TJP1: variants seen among roughly 807,000 people sequenced by gnomAD.
TJP1 encodes the protein tight junction protein 1, also known as tight junction protein ZO-1.
A neutral mutation model predicts 194.2 loss-of-function variants in TJP1; 43 were observed. The ratio of observed to expected loss-of-function variants is 0.22; its 90% CI spans 0.17 to 0.29. TJP1 has a LOEUF of 0.29. Ranked by LOEUF, TJP1 falls within the 10% of genes least tolerant of loss-of-function variation. The pLI is 1.00. For missense variants in TJP1, 1,971 were observed against 2,185.7 expected (o/e 0.90, Z 1.96); for synonymous variants, 801 against 779.0 (o/e 1.03, Z -0.47).
intron 2 of TJP1, among the ~76,000 whole-genome samples, chr15:29,913,706 T>C (rs990251137): frequency 2.0e-5 from 3 of 151,962 alleles, no homozygotes; most frequent in Admixed American, 2.0e-4. Flanking sequence ...GACAACAAAG[T>C]TTCTAGCTTG....
chr15:29,724,946 C>A (rs929933167), intron 18 of TJP1, among the ~76,000 whole-genome samples: 1 of 152,192 alleles, frequency 6.6e-6, no homozygotes, highest in Non-Finnish European at 1.5e-5. Context: ...AAAAGCCTCT[C>A]AGATACTACA....
At chr15:29,722,193 TG>T (rs1226045265) in intron 18 of TJP1, among the ~76,000 whole-genome samples, 2 of 152,216 alleles carry the variant, frequency 1.3e-5, no homozygotes, top group African/African-American at 2.4e-5. Context: ...GACAAAACAA[TG>T]GGGGAAAATG....
intron 5 of TJP1, among the ~76,000 whole-genome samples, chr15:29,762,687 T>C (rs1385474355): frequency 6.6e-6 from 1 of 152,208 alleles, no homozygotes; most frequent in African/African-American, 2.4e-5. Context: ...CCCATATTAC[T>C]GAAAAGGAGA....
intron 2 of TJP1, among the ~76,000 whole-genome samples, chr15:29,879,207 G>A (rs2052832451): frequency 6.6e-6 from 1 of 152,198 alleles, no homozygotes; most frequent in Admixed American, 6.5e-5. Flanking sequence ...ACATTCATGT[G>A]CAAGTGGCTA....
intron 1 of TJP1, among the ~76,000 whole-genome samples, chr15:29,958,183 T>C (rs931111474): frequency 6.6e-6 from 1 of 152,180 alleles, no homozygotes; most frequent in Non-Finnish European, 1.5e-5. Flanking sequence ...TTACCTTAAA[T>C]GCCATTTTGT....
At chr15:29,951,478 T>G (rs2055750499) in intron 2 of TJP1, among the ~76,000 whole-genome samples, 1 of 152,098 alleles carries the variant, frequency 6.6e-6, no homozygotes, top group African/African-American at 2.4e-5. Flanking sequence ...AGATGCTTTT[T>G]TATATCAGGA....
In TJP1 at chr15:29,762,384, CT is replaced by C; in HGVS notation, c.643del (p.Ser215ValfsTer16). 1 of 1,613,778 alleles carries C rather than the reference CT, an allele frequency of 6.2e-7. No homozygotes were observed. Among genetic ancestry groups the C allele is most frequent in the Non-Finnish European group, 8.5e-7 (1 of 1,179,936 alleles). ...AATATTGCCATCTCTTGCTGCCAAA[CT>C]ATCTTGTGAAATTTCCTTAACAAAT... is the stretch of plus-strand genomic sequence containing the variant. ...HIFVKEISQDSLAARDGNIQE... is the reference protein window; with the variant it reads ...HIFVKEISQDXLAARDGNIQE... On this transcript the variant is annotated frameshift_variant, in exon 6 of 28. Transcript: ENST00000614355. LOFTEE classifies it high-confidence loss of function.
At chr15:29,947,704 T>A (rs11070176) in intron 2 of TJP1, among the ~76,000 whole-genome samples, 31,890 of 152,144 alleles carry the variant, frequency 0.21, 3,753 homozygotes, top group East Asian at 0.49. Flanking sequence ...CCCCTGAAAC[T>A]AAAGGGCAAA....
intron 10 of TJP1, among the ~76,000 whole-genome samples, chr15:29,738,123 T>G (rs1466145130): frequency 6.6e-6 from 1 of 152,182 alleles, no homozygotes; most frequent in Admixed American, 6.5e-5. Context: ...TGAAACCTTG[T>G]GACATTCCTT....
intron 2 of TJP1, among the ~76,000 whole-genome samples, chr15:29,879,536 G>A (rs556854520): frequency 1.3e-5 from 2 of 152,224 alleles, no homozygotes; most frequent in Admixed American, 6.5e-5. Context: ...TATTAGTCGG[G>A]TGAACTTTTA....
intron 8 of TJP1, among the ~76,000 whole-genome samples, chr15:29,753,714 T>A (rs8042487): frequency 1.3e-5 from 2 of 151,644 alleles, no homozygotes; most frequent in African/African-American, 4.8e-5. Flanking sequence ...ACAGGAGCCA[T>A]GGGAAAGAAG....
intron 1 of TJP1, among the ~76,000 whole-genome samples, chr15:29,964,920 C>T (rs2056280387): frequency 6.6e-6 from 1 of 152,182 alleles, no homozygotes. Context: ...GCTTTAGTTT[C>T]CACCTAAGTT....
intron 2 of TJP1, among the ~76,000 whole-genome samples, chr15:29,779,028 C>G (rs1180801774): frequency 2.6e-5 from 4 of 152,194 alleles, no homozygotes; most frequent in Non-Finnish European, 5.9e-5. Context: ...TCTAGTTGAT[C>G]TATTTTAAAC....
At chr15:29,769,948 G>T (rs1713347953) in intron 4 of TJP1, among the ~76,000 whole-genome samples, 3 of 151,900 alleles carry the variant, frequency 2.0e-5, no homozygotes, top group Non-Finnish European at 4.4e-5. Flanking sequence ...CCTCAGGTAG[G>T]TCCTTCAGGA....
chr15:29,738,865 T>TTA (rs370895850), intron 10 of TJP1, among the ~76,000 whole-genome samples: 45 of 48,864 alleles, frequency 9.2e-4, no homozygotes, highest in Admixed American at 2.1e-3. Flanking sequence ...CTGTCACTAC[T>TTA]AAAAAAAAAA....
chr15:29,727,072 C>G, intron 16 of TJP1, 81 bp from the exon 17 acceptor site: 3 of 1,269,466 alleles, frequency 2.4e-6, no homozygotes, highest in Non-Finnish European at 3.4e-6. Context: ...GGTGCAGTGG[C>G]TCACGCTACG....
At chr15:29,899,010 T>C (rs957386615) in intron 2 of TJP1, among the ~76,000 whole-genome samples, 3 of 152,164 alleles carry the variant, frequency 2.0e-5, no homozygotes, top group African/African-American at 7.2e-5. Flanking sequence ...ACAGATGAAA[T>C]AAGAACAAAG....
chr15:29,719,228 T>A, intron 20 of TJP1, 90 bp from the exon 21 acceptor site: 1 of 1,332,742 alleles, frequency 7.5e-7, no homozygotes, highest in South Asian at 1.5e-5. Flanking sequence ...AACTACGATT[T>A]AATATGTGAA....
chr15:29,728,324 CCACCCT>C, intron 15 of TJP1: 1 of 254,262 alleles, frequency 3.9e-6, no homozygotes, highest in Non-Finnish European at 7.5e-6. Flanking sequence ...GCACTACTTC[CCACCCT>C]TTTTCACACT....
Sources: allele counts gnomAD v4.1 joint callset (sites outside exome capture counted in the v4.1 genomes callset), GRCh38; gene constraint gnomAD v4.1.1; transcripts MANE v1.5; gene names NCBI Gene and HGNC (gene_info 2026-07-23, HGNC 2026-07-21).